Variants in ATXN1 observed in about 807,000 individuals in gnomAD.
ATXN1 encodes the protein ataxin-1.
Under a neutral mutation model 56.4 loss-of-function variants are expected in ATXN1, and 8 were observed. That is an observed-to-expected ratio of 0.14 (90% CI 0.08 to 0.26). The LOEUF (loss-of-function observed/expected upper bound fraction) is 0.26. Ranked by LOEUF, ATXN1 falls within the 10% of genes least tolerant of loss-of-function variation. The pLI, the probability that ATXN1 is intolerant of heterozygous loss-of-function variation, is 1.00. For missense variants in ATXN1, 987 were observed against 1,106.5 expected (o/e 0.89, Z 1.53); for synonymous variants, 514 against 494.6 (o/e 1.04, Z -0.52).
chr6:16,409,129 A>G (rs116597856), intron 6 of ATXN1, among the ~76,000 whole-genome samples: 1,564 of 152,288 alleles, frequency 0.01, 19 homozygotes, highest in Middle Eastern at 0.027. Flanking sequence ...ATGTCACAGG[A>G]TCGATATTTC....
At chr6:16,384,739 G>A (rs1202055006) in intron 6 of ATXN1, among the ~76,000 whole-genome samples, 5 of 152,300 alleles carry the variant, frequency 3.3e-5, no homozygotes, top group Middle Eastern at 3.4e-3. Flanking sequence ...CTCCAGCCAC[G>A]TAGGACGTGC....
intron 2 of ATXN1, among the ~76,000 whole-genome samples, chr6:16,728,517 C>T (rs767138559): frequency 2.6e-5 from 4 of 152,192 alleles, no homozygotes; most frequent in Non-Finnish European, 5.9e-5. Flanking sequence ...AGGTCTCCCT[C>T]TCACCAACTC....
intron 4 of ATXN1, among the ~76,000 whole-genome samples, chr6:16,569,453 G>A (rs559316602): frequency 2.0e-5 from 3 of 151,164 alleles, no homozygotes; most frequent in African/African-American, 7.3e-5. Flanking sequence ...CTTGAACCCA[G>A]GAGGTGGAGG....
intron 3 of ATXN1, among the ~76,000 whole-genome samples, chr6:16,601,975 G>A (rs1018649813): frequency 3.3e-5 from 5 of 152,260 alleles, no homozygotes; most frequent in Non-Finnish European, 7.4e-5. Context: ...ACGTATTTTA[G>A]AGTCAGGGTT....
intron 3 of ATXN1, among the ~76,000 whole-genome samples, chr6:16,619,392 T>C (rs1213435594): frequency 2.0e-5 from 3 of 152,182 alleles, no homozygotes; most frequent in African/African-American, 7.2e-5. Flanking sequence ...AATTAAATGC[T>C]AGATAAATAG....
At chr6:16,393,174 C>A (rs1360492139) in intron 6 of ATXN1, among the ~76,000 whole-genome samples, 1 of 152,188 alleles carries the variant, frequency 6.6e-6, no homozygotes, top group African/African-American at 2.4e-5. Context: ...TTCACCCACA[C>A]AAAATAGTGT....
chr6:16,724,659 T>C (rs1759811755), intron 2 of ATXN1, among the ~76,000 whole-genome samples: 1 of 152,234 alleles, frequency 6.6e-6, no homozygotes, highest in African/African-American at 2.4e-5. Context: ...ATAGATGCAC[T>C]GACTTACTTG....
chr6:16,675,621 C>G (rs1207639911), intron 2 of ATXN1, among the ~76,000 whole-genome samples: 1 of 152,122 alleles, frequency 6.6e-6, no homozygotes, highest in Non-Finnish European at 1.5e-5. Flanking sequence ...TGGCTCACGC[C>G]TGTAATCCCA....
At position 16,350,987 on chromosome 6, in the gene ATXN1, G is replaced by C. The variant is rs1188670510; in HGVS notation, c.-160-22517C>G. On this transcript the variant is annotated intron_variant, in intron 6 of 7. Transcript: ENST00000436367. ...CAGTCCCAGCAACTTGGGAGGCTGA[G>C]GTGGGAGGATTGCTTGAGCCTAGCC... Among the ~76,000 whole-genome samples the C allele has an allele frequency of 7.2e-5, 11 of 152,172 alleles. No individual in the cohort carries two copies. In the East Asian group the frequency reaches 2.1e-3, roughly 29 times the overall value.
At chr6:16,683,279 T>C (rs1326471793) in intron 2 of ATXN1, among the ~76,000 whole-genome samples, 2 of 152,200 alleles carry the variant, frequency 1.3e-5, no homozygotes, top group Non-Finnish European at 2.9e-5. Flanking sequence ...GAGAGAAAGA[T>C]GGTGCCCAAT....
At chr6:16,590,894 G>A (rs1356350944) in intron 3 of ATXN1, among the ~76,000 whole-genome samples, 7 of 151,030 alleles carry the variant, frequency 4.6e-5, no homozygotes, top group Admixed American at 2.0e-4. Context: ...CCAGGCTGGA[G>A]TGCAATGGCG....
intron 2 of ATXN1, among the ~76,000 whole-genome samples, chr6:16,703,959 C>T (rs2113442332): frequency 6.6e-6 from 1 of 152,318 alleles, no homozygotes; most frequent in Middle Eastern, 3.4e-3. Context: ...GTGGAGGTTG[C>T]AGTGAGCTGA....
At chr6:16,384,738 C>T (rs1758203117) in intron 6 of ATXN1, among the ~76,000 whole-genome samples, 2 of 152,228 alleles carry the variant, frequency 1.3e-5, no homozygotes, top group Admixed American at 1.3e-4. Flanking sequence ...GCTCCAGCCA[C>T]GTAGGACGTG....
chr6:16,598,102 A>G (rs1047675717), intron 3 of ATXN1, among the ~76,000 whole-genome samples: 18 of 152,250 alleles, frequency 1.2e-4, no homozygotes, highest in Non-Finnish European at 5.9e-5. Flanking sequence ...ATCACACTGT[A>G]CCCCATAAAT....
chr6:16,658,788 CCTCAT>C (rs1758258304), intron 2 of ATXN1, among the ~76,000 whole-genome samples: 1 of 152,198 alleles, frequency 6.6e-6, no homozygotes, highest in Admixed American at 6.5e-5. Context: ...ATGAGCTCAT[CCTCAT>C]CTATGTTGAA....
At position 16,327,216 on chromosome 6, in the gene ATXN1, C is replaced by T. The variant is rs377522678; in HGVS notation, c.1095G>A (p.Pro365=). Residue 365 remains proline (P), a synonymous_variant, in exon 7 of 8, where the codon CCG becomes CCA. Coordinates refer to ENST00000436367, the MANE Select transcript of ATXN1 (RefSeq NM_001128164.2). ...CACGACTGCTGTAGTCTGAGGGGCT[C>T]GGGTGGACCACCACGTGCCTGGACT... ...PYESRHVVVH[P]SPSDYSSRDP... is the part of the protein sequence containing the mutation. 18 of 1,613,500 alleles carry T rather than the reference C, an allele frequency of 1.1e-5. No homozygotes were observed. The East Asian group carries it at 2.7e-4, about 24-fold the overall frequency.
chr6:16,565,793 C>A (rs1762205980), intron 4 of ATXN1, among the ~76,000 whole-genome samples: 1 of 152,124 alleles, frequency 6.6e-6, no homozygotes, highest in Admixed American at 6.6e-5. Flanking sequence ...AAATGTTCAG[C>A]CCTGAAGACA....
intron 5 of ATXN1, among the ~76,000 whole-genome samples, chr6:16,488,469 G>A (rs181727410): frequency 6.6e-6 from 1 of 152,200 alleles, no homozygotes; most frequent in East Asian, 1.9e-4. Context: ...TTGGTTCTTG[G>A]TTCAGTGGTC....
In ATXN1 at chr6:16,434,077, G is replaced by A. The variant is rs992441146; in HGVS notation, c.-161+51895C>T. On this transcript the variant is annotated intron_variant, in intron 6 of 7. Coordinates refer to ENST00000436367, the MANE Select transcript of ATXN1 (RefSeq NM_001128164.2). The stretch of plus-strand genomic sequence containing the variant: ...TGGGTTACATTTTCCAAAAGCCTTC[G>A]GAAATTGGCATTTATAATATTTGTG... Among the ~76,000 whole-genome samples the A allele has an allele frequency of 1.1e-3, 160 of 152,096 alleles. 13 individuals are homozygous for A. The highest frequency in any genetic ancestry group is 3.3e-4 in the Admixed American group (5 of 15,274).
Sources: allele counts gnomAD v4.1 joint callset (sites outside exome capture counted in the v4.1 genomes callset), GRCh38; gene constraint gnomAD v4.1.1; transcripts MANE v1.5; gene names NCBI Gene and HGNC (gene_info 2026-07-23, HGNC 2026-07-21).